Variants in ZNF75D observed in about 807,000 individuals in gnomAD.
ZNF75D encodes zinc finger protein 75.
In ZNF75D, 33 loss-of-function variants were observed where a neutral mutation model predicts 33.3. That is an observed-to-expected ratio of 0.99 (90% CI 0.75 to 1.32). ZNF75D has a LOEUF of 1.32. Among genes scored for constraint, ZNF75D ranks in the 40% most tolerant of loss-of-function variants. ZNF75D has a pLI of 0.00. For missense variants in ZNF75D, 338 were observed against 367.5 expected, an observed-to-expected ratio of 0.92 and a Z score of 0.66; for synonymous variants, 113 against 130.6, an observed-to-expected ratio of 0.87 and a Z score of 0.92.
chrX:135,257,413 A>T (rs2083808992), intron 1 of ZNF75D, among the ~76,000 whole-genome samples: 1 of 113,187 alleles, frequency 8.8e-6, no homozygotes, highest in African/African-American at 3.2e-5. Flanking sequence ...GATGGTGGCC[A>T]CAGGGAGAGA....
chrX:135,308,682 C>T (rs1453394514), intron 1 of ZNF75D, among the ~76,000 whole-genome samples: 1 of 112,008 alleles, frequency 8.9e-6, no homozygotes, highest in African/African-American at 3.3e-5. Flanking sequence ...TACCACTCAG[C>T]ACTTTTTGGG....
intron 1 of ZNF75D, among the ~76,000 whole-genome samples, chrX:135,302,385 A>G (rs1453380760): frequency 1.8e-5 from 2 of 112,136 alleles, no homozygotes; most frequent in Non-Finnish European, 3.8e-5. Flanking sequence ...GGCTTGTGGA[A>G]CAGGTGAGTG....
intron 1 of ZNF75D, among the ~76,000 whole-genome samples, chrX:135,331,159 G>A (rs1304219359): frequency 2.7e-5 from 3 of 111,187 alleles, no homozygotes; most frequent in Non-Finnish European, 5.7e-5. Context: ...TGGATTTTTG[G>A]TTCTATTTAA....
intron 1 of ZNF75D, chrX:135,298,322 G>GAAC (rs782018835): frequency 8.9e-6 from 1 of 112,081 alleles, no homozygotes; most frequent in Non-Finnish European, 1.9e-5. Context: ...GACTGATGAA[G>GAAC]AACAACAACA....
In ZNF75D at chrX:135,287,148, A is replaced by G; in HGVS notation, c.1522T>C (p.Ser508Pro). Residue 508 changes from serine (S) to proline (P), a missense_variant, in exon 7 of 7, where the codon TCT becomes CCT. By Grantham distance (74) the Ser-to-Pro change is moderately conservative. Transcript: ENST00000370766. Reference sequence around the variant, plus strand: ...CATGGTAACTTTCCTCAGTTTGGAGACACTAGACATGCTTCCCTTCTTCTG... The same window carrying G: ...CATGGTAACTTTCCTCAGTTTGGAGGCACTAGACATGCTTCCCTTCTTCTG... Reference protein sequence around the residue: ...LHRRREACLVSPN With the variant: ...LHRRREACLVPPN The G allele has an allele frequency of 8.3e-7, 1 of 1,199,086 alleles. No individual in the cohort carries two copies. The highest frequency in any genetic ancestry group is 1.1e-6 in the Non-Finnish European group (1 of 891,455).
intron 1 of ZNF75D, among the ~76,000 whole-genome samples, chrX:135,296,822 T>C (rs781908296): frequency 4.5e-5 from 5 of 112,097 alleles, no homozygotes; most frequent in Non-Finnish European, 9.4e-5. Flanking sequence ...ATGTTCAGGG[T>C]CACATAGATT....
At chrX:135,271,467 G>T (rs2083882834) in intron 1 of ZNF75D, among the ~76,000 whole-genome samples, 1 of 111,910 alleles carries the variant, frequency 8.9e-6, no homozygotes, top group African/African-American at 3.2e-5. Flanking sequence ...CCTCTCATTT[G>T]CAGATTTCTA....
intron 1 of ZNF75D, among the ~76,000 whole-genome samples, chrX:135,301,127 G>T (rs782711205): frequency 8.9e-6 from 1 of 111,864 alleles, no homozygotes; most frequent in African/African-American, 3.2e-5. Flanking sequence ...CAAGAGAGAA[G>T]TGAGAAAGCA....
At chrX:135,261,204 G>C (rs781795077) in intron 1 of ZNF75D, among the ~76,000 whole-genome samples, 2 of 112,400 alleles carry the variant, frequency 1.8e-5, no homozygotes, top group East Asian at 5.6e-4. Context: ...GCTGAGCAGT[G>C]CTTTACTTCC....
chrX:135,277,055 A>T (rs1370625488), intron 1 of ZNF75D, among the ~76,000 whole-genome samples: 3 of 112,162 alleles, frequency 2.7e-5, no homozygotes, highest in Non-Finnish European at 5.6e-5. Context: ...TAGATCCTTG[A>T]GGAATCACCA....
chrX:135,330,586 G>T (rs184300791), intron 1 of ZNF75D: 3 of 112,359 alleles, frequency 2.7e-5, no homozygotes, highest in African/African-American at 9.7e-5. Flanking sequence ...CTGACAAAGT[G>T]GTTGTGGATG....
chrX:135,331,093 A>G, intron 1 of ZNF75D, among the ~76,000 whole-genome samples: 1 of 111,846 alleles, frequency 8.9e-6, no homozygotes, highest in Admixed American at 9.4e-5. Context: ...TGGGAGGTTT[A>G]GGATACCTTT....
chrX:135,300,223 G>C (rs782282647), intron 1 of ZNF75D, among the ~76,000 whole-genome samples: 2 of 111,652 alleles, frequency 1.8e-5, no homozygotes, highest in South Asian at 7.4e-4. Flanking sequence ...TGTCACAGCT[G>C]AACAAAAAAT....
chrX:135,259,039 TA>T (rs782460413), intron 1 of ZNF75D, among the ~76,000 whole-genome samples: 1 of 112,405 alleles, frequency 8.9e-6, no homozygotes, highest in Non-Finnish European at 1.9e-5. Flanking sequence ...CAGCACCATT[TA>T]TTAAATAGGG....
chrX:135,312,815 T>C (rs1304000659), intron 1 of ZNF75D, among the ~76,000 whole-genome samples: 1 of 111,613 alleles, frequency 9.0e-6, no homozygotes, highest in Non-Finnish European at 1.9e-5. Flanking sequence ...TTGAGAATTG[T>C]CCATTTATGG....
chrX:135,304,726 A>T lies in ZNF75D; in HGVS notation c.-390-8687T>A, dbSNP rs2084262791. Among the ~76,000 whole-genome samples, 4 of 112,957 alleles carry T rather than the reference A, an allele frequency of 3.5e-5. No homozygotes were observed. The South Asian group carries it at 1.5e-3, about 41-fold the overall frequency. ...AATTAAAATTGATAATTGATAAAAC[A>T]TTTAAAACATGCTACCTATAGAGAG... On this transcript the variant is annotated intron_variant, in intron 1 of 6. Coordinates refer to ENST00000370766, the MANE Select transcript of ZNF75D (RefSeq NM_007131.5).
At chrX:135,339,871 C>A (rs1259969560) in intron 1 of ZNF75D, among the ~76,000 whole-genome samples, 14 of 111,849 alleles carry the variant, frequency 1.3e-4, no homozygotes, top group Non-Finnish European at 1.9e-5. Flanking sequence ...AAACACAAGT[C>A]TAGCTCTAAG....
intron 1 of ZNF75D, among the ~76,000 whole-genome samples, chrX:135,306,152 C>G (rs2084282301): frequency 9.1e-6 from 1 of 110,447 alleles, no homozygotes; most frequent in Non-Finnish European, 1.9e-5. Flanking sequence ...CAGACTGGGT[C>G]TTAAGTATTT....
intron 1 of ZNF75D, among the ~76,000 whole-genome samples, chrX:135,319,778 T>C (rs149888598): frequency 8.0e-5 from 9 of 112,330 alleles, no homozygotes; most frequent in African/African-American, 2.9e-4. Context: ...GTAGAACTTT[T>C]GTCTCTTAGT....
Sources: gnomAD v4.1 joint callset for allele counts (sites outside exome capture counted in the v4.1 genomes callset) on GRCh38, gnomAD v4.1.1 for gene constraint, MANE v1.5 for transcripts, NCBI Gene and HGNC (gene_info 2026-07-23, HGNC 2026-07-21) for gene names.